Variants in C2orf76 observed in about 807,000 individuals in gnomAD.
C2orf76 encodes the protein UPF0538 protein C2orf76.
A neutral mutation model predicts 16.9 loss-of-function variants in C2orf76; 23 were observed. That is an observed-to-expected ratio of 1.36 (90% CI 0.98 to 1.93). C2orf76 has a LOEUF of 1.93. Among genes scored for constraint, C2orf76 ranks in the 30% most tolerant of loss-of-function variants. The probability of loss-of-function intolerance (pLI) is 0.00; values close to 1 mark genes in which losing one functional copy is unlikely to be tolerated. For synonymous variants in C2orf76, 48 were observed against 52.3 expected (o/e 0.92, Z 0.35); for missense variants, 152 against 152.6 (o/e 1.00, Z 0.02).
intron 1 of C2orf76, among the ~76,000 whole-genome samples, chr2:119,364,038 A>AGT (rs1195147109): frequency 1.3e-5 from 2 of 150,068 alleles, no homozygotes; most frequent in African/African-American, 5.0e-5. Flanking sequence ...AGAGAGAGAG[A>AGT]GAGACAGACA....
At chr2:119,336,429 TTATTA>T (rs1679849034) in intron 2 of C2orf76, among the ~76,000 whole-genome samples, 2 of 151,672 alleles carry the variant, frequency 1.3e-5, no homozygotes. Context: ...AGAAATAGGT[TTATTA>T]TATTTATATG....
downstream of C2orf76, among the ~76,000 whole-genome samples, chr2:119,300,429 T>A (rs1264238432): frequency 3.9e-5 from 6 of 152,184 alleles, no homozygotes; most frequent in Non-Finnish European, 1.5e-5. Context: ...CCTGTTTAAA[T>A]CATGCTACTG....
chr2:119,282,359 A>T, the C2orf76 span, among the ~76,000 whole-genome samples: 1 of 152,130 alleles, frequency 6.6e-6, no homozygotes, highest in Non-Finnish European at 1.5e-5. Context: ...CCAGGGTGGG[A>T]CTGTCACTCA....
At chr2:119,288,410 C>G in the C2orf76 span, among the ~76,000 whole-genome samples, 12 of 151,918 alleles carry the variant, frequency 7.9e-5, no homozygotes, top group African/African-American at 2.7e-4. Context: ...TCCCAAAGTG[C>G]TGGGATTACA....
the C2orf76 span, among the ~76,000 whole-genome samples, chr2:119,281,415 G>A: frequency 6.6e-6 from 1 of 151,974 alleles, no homozygotes; most frequent in Non-Finnish European, 1.5e-5. Flanking sequence ...GGCTGAGGTG[G>A]GAGGATAGCT....
At chr2:119,311,814 G>A (rs1245780193) in intron 4 of C2orf76, 111 bp from the exon 5 acceptor site, 2 of 994,786 alleles carry the variant, frequency 2.0e-6, no homozygotes, top group African/African-American at 3.3e-5. Flanking sequence ...AATCTAAGTA[G>A]ATTCCACTGC....
At chr2:119,360,984 AGGTAGT>A (rs1680727071) in intron 1 of C2orf76, among the ~76,000 whole-genome samples, 1 of 152,240 alleles carries the variant, frequency 6.6e-6, no homozygotes, top group Admixed American at 6.5e-5. Context: ...AGGAGGAGCT[AGGTAGT>A]GGTTGTGGCC....
rs376632073 is a variant in C2orf76 at position 119,324,286 on chromosome 2, T to C, written c.134-3082A>G. On this transcript the variant is annotated intron_variant, in intron 2 of 5. Transcript: ENST00000334816. ...AGGACACAGCGAGCACCTATTCTCT[T>C]CCTGCCTTTACATCTTAACTGAAGT... Among the ~76,000 whole-genome samples, 19 of 152,342 alleles carry C rather than the reference T, an allele frequency of 1.2e-4. No individual in the cohort carries two copies. The East Asian group carries it at 2.5e-3, about 20-fold the overall frequency.
intron 2 of C2orf76, among the ~76,000 whole-genome samples, chr2:119,321,555 G>A (rs958551800): frequency 2.0e-5 from 3 of 152,072 alleles, no homozygotes; most frequent in Admixed American, 1.3e-4. Context: ...CAGATCTCAC[G>A]ACACTTATTC....
intron 1 of C2orf76, among the ~76,000 whole-genome samples, chr2:119,342,012 CT>C (rs1034537506): frequency 6.6e-6 from 1 of 152,026 alleles, no homozygotes; most frequent in Non-Finnish European, 1.5e-5. Context: ...CATAGGTACC[CT>C]AAGGAATCTC....
rs559948915 is a variant in C2orf76, at chr2:119,312,854, C to T, written c.223-1151G>A. Among the ~76,000 whole-genome samples, 14 of 152,000 alleles carry T rather than the reference C, an allele frequency of 9.2e-5. No homozygotes were observed. The South Asian group carries it at 1.9e-3, about 20-fold the overall frequency. ...CATCCTGGCTAACATGGTAAAACCC[C>T]GTCTCTATTAAAAATACAAAAAAAT... On this transcript the variant is annotated intron_variant, in intron 4 of 5. Transcript: ENST00000334816.
At position 119,306,109 on chromosome 2, in the gene C2orf76, G is replaced by A. The variant is rs956478755; in HGVS notation, c.305-3561C>T. On this transcript the variant is annotated intron_variant, in intron 5 of 5. Transcript: ENST00000334816. The stretch of plus-strand genomic sequence containing the variant: ...TCCTGGGTCCGACACCCACATTACC[G>A]AGTAACCAGATTATCACTGTTTCTA... Among the ~76,000 whole-genome samples, 3 of 152,282 alleles carry A rather than the reference G, an allele frequency of 2.0e-5. 1 individual carries two copies. Among genetic ancestry groups the A allele is most frequent in the South Asian group, 4.1e-4 (2 of 4,832 alleles).
intron 2 of C2orf76, among the ~76,000 whole-genome samples, chr2:119,322,788 C>T (rs1414578550): frequency 6.6e-6 from 1 of 151,064 alleles, no homozygotes; most frequent in Non-Finnish European, 1.5e-5. Context: ...TAGGAAGCTA[C>T]CTTTTGAGTA....
At chr2:119,343,013 G>C (rs982542932) in intron 1 of C2orf76, among the ~76,000 whole-genome samples, 1 of 152,080 alleles carries the variant, frequency 6.6e-6, no homozygotes, top group African/African-American at 2.4e-5. Context: ...CGGGTGAACC[G>C]CCTGGCTCGG....
intron 5 of C2orf76, among the ~76,000 whole-genome samples, chr2:119,306,039 T>C (rs1678771954): frequency 6.6e-6 from 1 of 151,360 alleles, no homozygotes. Context: ...CGGGAAACAC[T>C]CTACAGAGGT....
chr2:119,345,787 T>G (rs984375197), intron 1 of C2orf76, among the ~76,000 whole-genome samples: 23 of 151,544 alleles, frequency 1.5e-4, no homozygotes, highest in African/African-American at 5.6e-4. Flanking sequence ...TTTGGCCAGG[T>G]GCGGTGGCTC....
intron 1 of C2orf76, among the ~76,000 whole-genome samples, chr2:119,342,659 T>C (rs1167631491): frequency 6.6e-6 from 1 of 150,984 alleles, no homozygotes; most frequent in Non-Finnish European, 1.5e-5. Context: ...TTATCTGAGG[T>C]GTAGGAAGAA....
At chr2:119,304,481 T>A (rs191323622) in intron 5 of C2orf76, among the ~76,000 whole-genome samples, 1 of 152,334 alleles carries the variant, frequency 6.6e-6, no homozygotes, top group Non-Finnish European at 1.5e-5. Flanking sequence ...TTCTTTTGGA[T>A]CCAGTTAACT....
chr2:119,350,267 G>A (rs769722465), intron 1 of C2orf76, among the ~76,000 whole-genome samples: 1 of 152,034 alleles, frequency 6.6e-6, no homozygotes, highest in African/African-American at 2.4e-5. Context: ...TTTATAATAT[G>A]TAACAGTTCA....
Sources: gnomAD v4.1 joint callset for allele counts (sites outside exome capture counted in the v4.1 genomes callset) on GRCh38, gnomAD v4.1.1 for gene constraint, MANE v1.5 for transcripts, NCBI Gene and HGNC (gene_info 2026-07-23, HGNC 2026-07-21) for gene names.